The following EXT1 variants were observed in gnomAD, a reference collection of about 807,000 sequenced individuals.
EXT1 encodes exostosin glycosyltransferase 1.
In EXT1, 20 loss-of-function variants were observed where a neutral mutation model predicts 82.5. That is an observed-to-expected ratio of 0.24 (90% CI 0.17 to 0.35). EXT1 has a LOEUF of 0.35. EXT1 is among the 10% of genes least tolerant of loss of function. EXT1 has a pLI of 1.00. For synonymous variants in EXT1, 348 were observed against 350.8 expected, an observed-to-expected ratio of 0.99 and a Z score of 0.09; for missense variants, 757 against 936.5, an observed-to-expected ratio of 0.81 and a Z score of 2.50.
At chr8:118,026,180 C>T (rs948785828) in intron 1 of EXT1, among the ~76,000 whole-genome samples, 2 of 152,104 alleles carry the variant, frequency 1.3e-5, no homozygotes, top group Non-Finnish European at 2.9e-5. Context: ...AGGAACCACA[C>T]GGCACCTACT....
At chr8:117,853,845 C>T (rs896102385) in intron 1 of EXT1, among the ~76,000 whole-genome samples, 13 of 152,224 alleles carry the variant, frequency 8.5e-5, no homozygotes, top group Admixed American at 3.9e-4. Flanking sequence ...AGTTTGAATG[C>T]CTGTGTTTTG....
intron 1 of EXT1, among the ~76,000 whole-genome samples, chr8:117,888,020 G>A (rs1813178127): frequency 6.6e-6 from 1 of 151,756 alleles, no homozygotes; most frequent in South Asian, 2.1e-4. Flanking sequence ...AGGTGGTGGA[G>A]GTTGCGGTAA....
intron 1 of EXT1, among the ~76,000 whole-genome samples, chr8:118,101,038 G>A (rs1374479571): frequency 2.0e-5 from 3 of 152,180 alleles, no homozygotes; most frequent in East Asian, 1.9e-4. Flanking sequence ...GCTAAGTTTC[G>A]AAACTAAATG....
intron 1 of EXT1, among the ~76,000 whole-genome samples, chr8:117,878,558 G>A (rs1183839800): frequency 6.6e-6 from 1 of 152,160 alleles, no homozygotes; most frequent in Non-Finnish European, 1.5e-5. Context: ...GAAATTAGAT[G>A]ACCTGGCATA....
intron 1 of EXT1, among the ~76,000 whole-genome samples, chr8:118,090,011 G>A (rs1185090671): frequency 6.6e-6 from 1 of 152,186 alleles, no homozygotes; most frequent in Non-Finnish European, 1.5e-5. Flanking sequence ...ATGGTCCCTT[G>A]GTAACTGCTA....
At chr8:118,084,170 A>G (rs978429087) in intron 1 of EXT1, among the ~76,000 whole-genome samples, 10 of 152,216 alleles carry the variant, frequency 6.6e-5, no homozygotes, top group Non-Finnish European at 1.0e-4. Context: ...GGAGAGATTC[A>G]AGATCCTCAA....
At chr8:117,819,606 G>C (rs1029625474) in intron 6 of EXT1, 70 bp downstream of exon 6, 2 of 1,336,658 alleles carry the variant, frequency 1.5e-6, no homozygotes, top group African/African-American at 1.4e-5. Flanking sequence ...GGGGATAACA[G>C]GTAAGGAGGG....
intron 1 of EXT1, among the ~76,000 whole-genome samples, chr8:118,062,586 T>C (rs949421220): frequency 5.3e-5 from 8 of 152,184 alleles, no homozygotes; most frequent in East Asian, 3.9e-4. Context: ...AGGAATCATA[T>C]GTTAACAGCC....
At chr8:117,860,861 A>G (rs943715452) in intron 1 of EXT1, among the ~76,000 whole-genome samples, 2 of 152,244 alleles carry the variant, frequency 1.3e-5, no homozygotes, top group African/African-American at 4.8e-5. Flanking sequence ...CTGAGTTAGT[A>G]ACCCCTGGTC....
chr8:118,017,528 C>T (rs1241777735), intron 1 of EXT1, among the ~76,000 whole-genome samples: 4 of 152,130 alleles, frequency 2.6e-5, no homozygotes, highest in Admixed American at 1.3e-4. Flanking sequence ...TCTCCCCTCA[C>T]CACACTGGTA....
At chr8:117,836,744 T>C (rs930481110) in intron 2 of EXT1, among the ~76,000 whole-genome samples, 2 of 152,154 alleles carry the variant, frequency 1.3e-5, no homozygotes, top group Non-Finnish European at 2.9e-5. Flanking sequence ...ACAATGAAGA[T>C]GCAGGCAGAA....
intron 1 of EXT1, among the ~76,000 whole-genome samples, chr8:117,840,645 G>T (rs1812260889): frequency 6.6e-6 from 1 of 151,062 alleles, no homozygotes; most frequent in Non-Finnish European, 1.5e-5. Flanking sequence ...AAGAGAGAAC[G>T]TATTTGCCAA....
intron 1 of EXT1, among the ~76,000 whole-genome samples, chr8:118,034,121 T>C (rs1054717811): frequency 2.6e-5 from 4 of 152,196 alleles, no homozygotes; most frequent in Non-Finnish European, 5.9e-5. Flanking sequence ...ATCCACAATG[T>C]ATTGGGTTCC....
chr8:118,039,557 C>CAAAAAAA (rs71307422), intron 1 of EXT1, among the ~76,000 whole-genome samples: 3 of 82,046 alleles, frequency 3.7e-5, no homozygotes, highest in African/African-American at 4.4e-5. Context: ...GACTCCGTCA[C>CAAAAAAA]AAAAAAAAAA....
At chr8:117,920,052 G>A (rs1431823958) in intron 1 of EXT1, among the ~76,000 whole-genome samples, 2 of 152,012 alleles carry the variant, frequency 1.3e-5, no homozygotes, top group Non-Finnish European at 2.9e-5. Flanking sequence ...AGGGGTTTGA[G>A]GTTAAAGAGA....
chr8:118,050,380 T>C (rs11562723), intron 1 of EXT1, among the ~76,000 whole-genome samples: 3,132 of 152,332 alleles, frequency 0.021, 112 homozygotes, highest in African/African-American at 0.071. Flanking sequence ...GGAATAATAA[T>C]GTGTAATAGT....
intron 1 of EXT1, among the ~76,000 whole-genome samples, chr8:117,837,451 C>T (rs1391749562): frequency 2.6e-5 from 4 of 152,108 alleles, no homozygotes; most frequent in East Asian, 1.9e-4. Flanking sequence ...CAAGTCTGAT[C>T]GTTCTGGCAA....
chr8:117,837,756 C>T lies in EXT1; in HGVS notation c.963-555G>A, dbSNP rs746230022. Among the ~76,000 whole-genome samples the T allele has an allele frequency of 2.0e-5, 3 of 151,778 alleles. No individual in the cohort carries two copies. The South Asian group carries it at 6.2e-4, about 32-fold the overall frequency. On this transcript the variant is annotated intron_variant, in intron 1 of 10. Coordinates refer to ENST00000378204, the MANE Select transcript of EXT1 (RefSeq NM_000127.3). ...CGTTCAGTTACCCAGGAAAAATATT[C>T]CTGTTTAAGAATGGCTGACATAACT...
chr8:117,999,005 G>T (rs1207360211), intron 1 of EXT1, among the ~76,000 whole-genome samples: 2 of 152,176 alleles, frequency 1.3e-5, no homozygotes, highest in African/African-American at 4.8e-5. Context: ...GTAGGCCCGT[G>T]ATCAATGTTA....
Sources: allele counts gnomAD v4.1 joint callset (sites outside exome capture counted in the v4.1 genomes callset), GRCh38; gene constraint gnomAD v4.1.1; transcripts MANE v1.5; gene names NCBI Gene and HGNC (gene_info 2026-07-23, HGNC 2026-07-21).